BRF1: variants seen among roughly 807,000 people sequenced by gnomAD.
The protein encoded by BRF1 is transcription factor IIIB 90 kDa subunit.
In BRF1, 59 loss-of-function variants were observed where a neutral mutation model predicts 81.7. That is an observed-to-expected ratio of 0.72 (90% CI 0.59 to 0.90). BRF1 has a LOEUF of 0.90. Ranked by LOEUF, BRF1 falls within the 40% of genes least tolerant of loss-of-function variation. The pLI is 0.00. For synonymous variants in BRF1, 491 were observed against 395.6 expected (o/e 1.24, Z -2.86); for missense variants, 1,050 against 936.3 (o/e 1.12, Z -1.58).
chr14:105,229,568 A>G (rs893033031), intron 6 of BRF1, among the ~76,000 whole-genome samples: 4 of 152,166 alleles, frequency 2.6e-5, no homozygotes, highest in African/African-American at 4.8e-5. Flanking sequence ...CACCAAGGGC[A>G]AAGTGAGAGT....
intron 2 of BRF1, among the ~76,000 whole-genome samples, chr14:105,278,768 T>C (rs1160296773): frequency 1.3e-5 from 2 of 149,538 alleles, no homozygotes; most frequent in African/African-American, 2.5e-5. Flanking sequence ...GAATTGGCCG[T>C]GCGCAGTGGC....
At position 105,300,736 on chromosome 14, in the gene BRF1, C is replaced by T. The variant is rs1318872841; in HGVS notation, c.-107G>A. 24 of 921,742 alleles carry T rather than the reference C, an allele frequency of 2.6e-5. No homozygotes were observed. The highest frequency in any genetic ancestry group is 7.0e-6 in the Non-Finnish European group (5 of 716,272). 57.1% of individuals were successfully genotyped at this position (921,742 alleles called of 1,614,324 possible). A position where few individuals can be genotyped will look rare whatever the true frequency, so the allele number is the denominator to read the frequency against. ...CCCAGGCCCAGCCGCCCAGGCCTCG[C>T]CGCTCTCGCGAGGCCCCGCTCCAGC... On this transcript the variant is annotated 5_prime_UTR_variant, in exon 1 of 18. Coordinates refer to ENST00000547530, the MANE Select transcript of BRF1 (RefSeq NM_001519.4).
At chr14:105,287,698 G>A (rs932721202) in intron 1 of BRF1, among the ~76,000 whole-genome samples, 14 of 152,184 alleles carry the variant, frequency 9.2e-5, no homozygotes, top group African/African-American at 3.4e-4. Flanking sequence ...AGGCAGAACA[G>A]GCACGGCCTC....
intron 4 of BRF1, among the ~76,000 whole-genome samples, chr14:105,255,443 A>C (rs1418838272): frequency 1.3e-5 from 2 of 152,250 alleles, no homozygotes; most frequent in African/African-American, 4.8e-5. Context: ...GCTGCTGCCA[A>C]AGGCGGAAAG....
intron 15 of BRF1, among the ~76,000 whole-genome samples, chr14:105,214,383 C>T (rs587674509): frequency 1.4e-5 from 2 of 147,808 alleles, no homozygotes; most frequent in South Asian, 2.3e-4. Flanking sequence ...GAGACAAGCT[C>T]GGAGGGAGCG....
At chr14:105,261,322 G>A (rs1321044328) in intron 3 of BRF1, among the ~76,000 whole-genome samples, 2 of 152,226 alleles carry the variant, frequency 1.3e-5, no homozygotes, top group Non-Finnish European at 2.9e-5. Context: ...CCCATCAGCA[G>A]ATGACAAGGC....
intron 5 of BRF1, chr14:105,250,276 C>G: frequency 6.2e-7 from 1 of 1,613,114 alleles, no homozygotes; most frequent in Non-Finnish European, 8.5e-7. Flanking sequence ...GGCGGTACCG[C>G]GGGCGCTGCG....
At chr14:105,218,531 TCAGTCA>T (rs1435454370) in intron 14 of BRF1, among the ~76,000 whole-genome samples, 4 of 152,138 alleles carry the variant, frequency 2.6e-5, no homozygotes, top group African/African-American at 7.2e-5. Flanking sequence ...TTTCTCCTGC[TCAGTCA>T]CTCAGAGGCT....
At chr14:105,246,595 G>A (rs970519501) in intron 5 of BRF1, among the ~76,000 whole-genome samples, 1 of 151,738 alleles carries the variant, frequency 6.6e-6, no homozygotes, top group Admixed American at 6.6e-5. Flanking sequence ...TTGGCCTCCC[G>A]AATAGCTGGG....
rs112983949 is a variant in BRF1 at position 105,241,702 on chromosome 14, G to A, written c.545-288C>T. The A allele has an allele frequency of 9.4e-5, 45 of 481,278 alleles. 1 individual carries two copies. Among genetic ancestry groups the A allele is most frequent in the African/African-American group, 7.8e-4 (40 of 51,412 alleles). The allele number at this position is 481,278 out of a possible 1,614,324, so 29.8% of individuals were successfully genotyped here. A position where few individuals can be genotyped will look rare whatever the true frequency, so the allele number is the denominator to read the frequency against. On this transcript the variant is annotated intron_variant, in intron 5 of 17. Coordinates refer to ENST00000547530, the MANE Select transcript of BRF1 (RefSeq NM_001519.4). ...GGCCGCCCTGCTCAGGACACAGAGG[G>A]GCGCACACCCAGCAGCCTTCCCTCC...
chr14:105,211,777 C>T (rs1890156710), intron 16 of BRF1: 1 of 441,504 alleles, frequency 2.3e-6, no homozygotes. Context: ...ACCCCTGAGC[C>T]CTGGAGGGCT....
intron 1 of BRF1, among the ~76,000 whole-genome samples, chr14:105,290,159 C>A (rs1023217530): frequency 6.6e-6 from 1 of 152,146 alleles, no homozygotes; most frequent in African/African-American, 2.4e-5. Flanking sequence ...GTGGCTCACG[C>A]CTATAACCCC....
intron 2 of BRF1, among the ~76,000 whole-genome samples, chr14:105,285,847 T>C (rs2057295332): frequency 1.3e-5 from 2 of 151,956 alleles, no homozygotes; most frequent in Non-Finnish European, 2.9e-5. Flanking sequence ...CTAAAATATA[T>C]AAAATCACAC....
intron 16 of BRF1, 71 bp from the exon 17 acceptor site, chr14:105,211,364 C>T: frequency 7.2e-7 from 1 of 1,380,850 alleles, no homozygotes; most frequent in Non-Finnish European, 9.6e-7. Context: ...CCCTCAGACC[C>T]ACCAGGGCTG....
In BRF1 at chr14:105,211,250, C is replaced by T. The variant is rs900012691; in HGVS notation, c.1868G>A (p.Arg623Lys). 1 of 1,608,786 alleles carries T rather than the reference C, an allele frequency of 6.2e-7. No homozygotes were observed. Among genetic ancestry groups the T allele is most frequent in the South Asian group, 1.1e-5 (1 of 90,892 alleles). ...GCTCTCCACCAGCACCGCCTGGGGC[C>T]TGGCAGGCTCAGCTCCGAGGGTGGG... ...SSPTLGAEPA[R>K]PQAVLVESGP... Residue 623 changes from arginine (R) to lysine (K), a missense_variant, in exon 17 of 18, where the codon AGG becomes AAG. Coordinates refer to ENST00000547530, the MANE Select transcript of BRF1 (RefSeq NM_001519.4).
Position 105,226,644 on chromosome 14 carries a change from CGCAGCTTCCTCT to C in BRF1, c.893_904del (p.Gln298_Leu301del). 6.2e-7 allele frequency: 1 copy of C among 1,613,244 alleles called. No individual in the cohort carries two copies. The highest frequency in any genetic ancestry group is 8.5e-7 in the Non-Finnish European group (1 of 1,180,018). On this transcript the variant is annotated inframe_deletion, in exon 8 of 18. Transcript: ENST00000547530. ...CAAAGCCGGCGCTACCTGCTTCATC[CGCAGCTTCCTCT>C]GCCCAGCTGTGTACGAGGGGGGGTC...
intron 1 of BRF1, among the ~76,000 whole-genome samples, chr14:105,297,736 C>A (rs1250572213): frequency 3.3e-5 from 5 of 152,146 alleles, no homozygotes; most frequent in Non-Finnish European, 7.3e-5. Context: ...GTGGCTCACG[C>A]TGGTAAACCC....
intron 5 of BRF1, chr14:105,241,783 C>T (rs2054675397): frequency 7.5e-6 from 2 of 264,916 alleles, no homozygotes; most frequent in Admixed American, 4.5e-5. Context: ...TAGAGCAAGA[C>T]AGGCGTGGGC....
chr14:105,304,843 T>C (rs188752886), upstream of BRF1, among the ~76,000 whole-genome samples: 135 of 152,320 alleles, frequency 8.9e-4, no homozygotes, highest in African/African-American at 3.2e-3. Flanking sequence ...CCGTCAGATC[T>C]CGTGAGACTT....
Sources: allele counts gnomAD v4.1 joint callset (sites outside exome capture counted in the v4.1 genomes callset), GRCh38; gene constraint gnomAD v4.1.1; transcripts MANE v1.5; gene names NCBI Gene and HGNC (gene_info 2026-07-23, HGNC 2026-07-21).